Variants in CEP63 observed in about 807,000 individuals in gnomAD.
CEP63 encodes the protein centrosomal protein of 63 kDa.
CEP63 carries 84 observed loss-of-function variants against 89.1 expected under a neutral mutation model. That is an observed-to-expected ratio of 0.94 (90% CI 0.79 to 1.13). The LOEUF (loss-of-function observed/expected upper bound fraction) is 1.13. Ranked by LOEUF, CEP63 falls within the 50% of genes most tolerant of loss-of-function variation. CEP63 has a pLI of 0.00. For synonymous variants in CEP63, 267 were observed against 272.5 expected, an observed-to-expected ratio of 0.98 and a Z score of 0.20; for missense variants, 838 against 813.3, an observed-to-expected ratio of 1.03 and a Z score of -0.37.
chr3:134,637,482 C>A, the CEP63 span, among the ~76,000 whole-genome samples: 1 of 152,208 alleles, frequency 6.6e-6, no homozygotes, highest in Non-Finnish European at 1.5e-5. Context: ...TCTGAGTAGT[C>A]CTGTAGTAAA....
At chr3:134,573,655 C>T (rs557352424) in intron 11 of CEP63, among the ~76,000 whole-genome samples, 9 of 152,146 alleles carry the variant, frequency 5.9e-5, no homozygotes, top group African/African-American at 2.2e-4. Context: ...TTACTGTAGC[C>T]TTGTAGTATA....
At chr3:134,695,582 G>A in the CEP63 span, among the ~76,000 whole-genome samples, 1 of 152,178 alleles carries the variant, frequency 6.6e-6, no homozygotes, top group Non-Finnish European at 1.5e-5. Context: ...TGGCTGTGGT[G>A]GTGAAGCTGG....
At chr3:134,500,455 C>A (rs183647777) in intron 2 of CEP63, among the ~76,000 whole-genome samples, 6 of 152,188 alleles carry the variant, frequency 3.9e-5, no homozygotes, top group African/African-American at 1.2e-4. Flanking sequence ...GAGTATATAC[C>A]TGGTAATGGA....
intron 6 of CEP63, among the ~76,000 whole-genome samples, chr3:134,539,464 A>G (rs907398316): frequency 5.3e-5 from 8 of 152,200 alleles, no homozygotes; most frequent in African/African-American, 1.9e-4. Flanking sequence ...AAAAATAACA[A>G]TATATCAGTA....
At chr3:134,703,238 C>G in the CEP63 span, among the ~76,000 whole-genome samples, 149,441 of 149,474 alleles carry the variant, frequency 1, 74,704 homozygotes, top group Non-Finnish European at 1. Flanking sequence ...GAAGCTTGCA[C>G]TGAGCCGAGA....
chr3:134,754,730 T>C, the CEP63 span, among the ~76,000 whole-genome samples: 1 of 152,134 alleles, frequency 6.6e-6, no homozygotes, highest in African/African-American at 2.4e-5. Flanking sequence ...AGAGTTCAGT[T>C]AGTCCAGCAC....
chr3:134,696,106 G>A, the CEP63 span, among the ~76,000 whole-genome samples: 18 of 152,316 alleles, frequency 1.2e-4, 2 homozygotes, highest in Admixed American at 5.9e-4. Context: ...ACAGAGGAGC[G>A]TGTCATGTGG....
the CEP63 span, among the ~76,000 whole-genome samples, chr3:134,770,627 C>A: frequency 1.8e-4 from 27 of 152,186 alleles, no homozygotes; most frequent in African/African-American, 6.3e-4. Flanking sequence ...TGTCAAATAC[C>A]ATTCAAAATG....
downstream of CEP63, among the ~76,000 whole-genome samples, chr3:134,589,059 T>C (rs1251719506): frequency 2.0e-5 from 3 of 152,204 alleles, no homozygotes. Flanking sequence ...TGATCCTTAA[T>C]TGAAAAACTT....
At chr3:134,578,349 A>ATTTTTT (rs1958266612), downstream of CEP63, among the ~76,000 whole-genome samples, 1 of 7,202 alleles carries the variant, frequency 1.4e-4, no homozygotes, top group African/African-American at 5.2e-4. Context: ...TTTTTTTTTG[A>ATTTTTT]GATGGAGTCT....
chr3:134,627,392 C>T, the CEP63 span, among the ~76,000 whole-genome samples: 3 of 152,190 alleles, frequency 2.0e-5, no homozygotes, highest in Admixed American at 2.0e-4. Context: ...CTCAGTGTTT[C>T]TTCCTCTGCT....
the CEP63 span, among the ~76,000 whole-genome samples, chr3:134,638,604 G>A: frequency 1.3e-5 from 2 of 152,152 alleles, no homozygotes; most frequent in African/African-American, 2.4e-5. Context: ...TCTTGAGAAC[G>A]GGCTCCCTGG....
intron 6 of CEP63, among the ~76,000 whole-genome samples, chr3:134,538,566 T>TATATATATATATATATGTA (rs1407833955): frequency 6.9e-6 from 1 of 144,040 alleles, no homozygotes; most frequent in Non-Finnish European, 1.5e-5. Flanking sequence ...TATATATATA[T>TATATATATATATATATGTA]TTTTTTAACA....
the CEP63 span, among the ~76,000 whole-genome samples, chr3:134,601,883 C>A: frequency 6.6e-6 from 1 of 152,232 alleles, no homozygotes. Flanking sequence ...CAGGCCTGGG[C>A]AGGGAAGGCT....
chr3:134,544,538 C>T (rs1577247444), intron 6 of CEP63, among the ~76,000 whole-genome samples: 1 of 151,468 alleles, frequency 6.6e-6, no homozygotes, highest in Non-Finnish European at 1.5e-5. Flanking sequence ...ACAATTTCCC[C>T]ATTTCTCTGA....
At chr3:134,663,596 T>C in the CEP63 span, among the ~76,000 whole-genome samples, 6 of 152,346 alleles carry the variant, frequency 3.9e-5, no homozygotes, top group Non-Finnish European at 5.9e-5. Flanking sequence ...AGAAACCTAC[T>C]TGGCTTTGTC....
Sources: allele counts gnomAD v4.1 joint callset (sites outside exome capture counted in the v4.1 genomes callset), GRCh38; gene constraint gnomAD v4.1.1; transcripts MANE v1.5; gene names NCBI Gene and HGNC (gene_info 2026-07-23, HGNC 2026-07-21).